RAD54L2: variants seen among roughly 807,000 people sequenced by gnomAD.
RAD54L2 encodes the protein helicase ARIP4.
RAD54L2 carries 27 observed loss-of-function variants against 138.4 expected under a neutral mutation model. That is an observed-to-expected ratio of 0.20 (90% CI 0.14 to 0.27). The LOEUF (loss-of-function observed/expected upper bound fraction) is 0.27, where lower values mean the gene tolerates loss of function less well. Ranked by LOEUF, RAD54L2 falls within the 10% of genes least tolerant of loss-of-function variation. The pLI, the probability that RAD54L2 is intolerant of heterozygous loss-of-function variation, is 1.00. For missense variants in RAD54L2, 1,396 were observed against 1,890.2 expected, an observed-to-expected ratio of 0.74 and a Z score of 4.85; for synonymous variants, 644 against 723.2, an observed-to-expected ratio of 0.89 and a Z score of 1.76.
intron 15 of RAD54L2, among the ~76,000 whole-genome samples, chr3:51,642,330 C>CT (rs367658494): frequency 0.029 from 3,830 of 130,596 alleles, 129 homozygotes; most frequent in African/African-American, 0.081. Context: ...AGGGGATGAA[C>CT]TTTTTTTTTT....
intron 3 of RAD54L2, among the ~76,000 whole-genome samples, chr3:51,592,661 G>A (rs1168597469): frequency 6.7e-6 from 1 of 148,740 alleles, no homozygotes; most frequent in Non-Finnish European, 1.5e-5. Flanking sequence ...TGCAACCTCC[G>A]CCTCCCAGGT....
chr3:51,657,994 G>T (rs1040645405), intron 21 of RAD54L2, among the ~76,000 whole-genome samples: 1 of 137,156 alleles, frequency 7.3e-6, no homozygotes, highest in African/African-American at 2.8e-5. Flanking sequence ...GCGTGATCTC[G>T]GCTCACTGCA....
Position 51,646,413 on chromosome 3 carries a change from G to A in RAD54L2, c.2958G>A (p.Ser986=), listed in dbSNP as rs373053017. 2.9e-5 allele frequency: 46 copies of A among 1,613,832 alleles called. No homozygotes were observed. The highest frequency in any genetic ancestry group is 1.3e-4 in the Admixed American group (8 of 60,004). Residue 986 remains serine (S), a synonymous_variant, in exon 19 of 23, where the codon TCG becomes TCA. Transcript: ENST00000684192. ...KRTSVPYTRP[S]YAQYYPASDQ... is the part of the protein sequence containing the mutation. ...CATCAGTCCCCTATACCCGCCCATCGTATGCGCAGTATTACCCTGCCAGCG... is the reference window on the plus strand; with the variant it reads ...CATCAGTCCCCTATACCCGCCCATCATATGCGCAGTATTACCCTGCCAGCG...
In RAD54L2 at chr3:51,605,604, C is replaced by T. The variant is rs577260541; in HGVS notation, c.139+15045C>T. 9.9e-5 allele frequency among the ~76,000 whole-genome samples: 15 copies of T among 151,962 alleles called. 1 individual carries two copies. The highest frequency in any genetic ancestry group is 6.2e-4 in the South Asian group (3 of 4,814). Reference sequence around the variant, plus strand: ...ACTAGCTGGGATTACAGGTGCCCACCACCACACCTGGCTAATTTTGTAGTT... The same window carrying T: ...ACTAGCTGGGATTACAGGTGCCCACTACCACACCTGGCTAATTTTGTAGTT... On this transcript the variant is annotated intron_variant, in intron 3 of 22. Coordinates refer to ENST00000684192, the MANE Select transcript of RAD54L2 (RefSeq NM_015106.4).
At chr3:51,550,552 C>T (rs972278868) in intron 2 of RAD54L2, among the ~76,000 whole-genome samples, 3 of 151,982 alleles carry the variant, frequency 2.0e-5, no homozygotes, top group East Asian at 1.9e-4. Context: ...TGCTTAAGTC[C>T]GGGATTTCGA....
intron 22 of RAD54L2, among the ~76,000 whole-genome samples, chr3:51,661,842 T>C (rs995675992): frequency 6.6e-6 from 1 of 152,226 alleles, no homozygotes. Flanking sequence ...GTCATGTTTT[T>C]CATCATGTCA....
At chr3:51,573,029 C>G (rs561069587) in intron 2 of RAD54L2, among the ~76,000 whole-genome samples, 1 of 152,134 alleles carries the variant, frequency 6.6e-6, no homozygotes, top group Non-Finnish European at 1.5e-5. Flanking sequence ...AAAACAGAAA[C>G]AGAAAATGTC....
chr3:51,540,225 T>G (rs1021630051), intron 1 of RAD54L2, among the ~76,000 whole-genome samples: 3 of 152,240 alleles, frequency 2.0e-5, no homozygotes, highest in African/African-American at 7.2e-5. Context: ...ATAAGAAAAC[T>G]CTAACATTTA....
intron 2 of RAD54L2, among the ~76,000 whole-genome samples, chr3:51,560,865 G>A (rs1037479095): frequency 3.3e-5 from 5 of 152,112 alleles, no homozygotes; most frequent in Admixed American, 6.6e-5. Context: ...AAAATTTGAA[G>A]GTAGGGAATA....
chr3:51,609,066 T>C (rs1381189819), intron 3 of RAD54L2, among the ~76,000 whole-genome samples: 1 of 152,134 alleles, frequency 6.6e-6, no homozygotes, highest in Non-Finnish European at 1.5e-5. Flanking sequence ...AATATTTGTA[T>C]TTTTAGTAGA....
intron 2 of RAD54L2, among the ~76,000 whole-genome samples, chr3:51,578,020 A>C (rs1434615854): frequency 6.6e-6 from 1 of 152,160 alleles, no homozygotes; most frequent in Non-Finnish European, 1.5e-5. Context: ...TCTCAAAATC[A>C]GGAAATTTAA....
intron 2 of RAD54L2, among the ~76,000 whole-genome samples, chr3:51,576,356 C>T (rs552091900): frequency 1.3e-5 from 2 of 152,264 alleles, no homozygotes; most frequent in East Asian, 3.9e-4. Flanking sequence ...ATGATGCTGG[C>T]CTCATAAAAT....
chr3:51,576,033 G>A (rs1242349152), intron 2 of RAD54L2, among the ~76,000 whole-genome samples: 1 of 152,098 alleles, frequency 6.6e-6, no homozygotes, highest in African/African-American at 2.4e-5. Context: ...TCAATACCTA[G>A]TTTATTGAGA....
At chr3:51,563,304 G>A (rs1282909760) in intron 2 of RAD54L2, among the ~76,000 whole-genome samples, 1 of 152,138 alleles carries the variant, frequency 6.6e-6, no homozygotes, top group Non-Finnish European at 1.5e-5. Context: ...TTAGATTTTG[G>A]CACCTGGCTG....
intron 3 of RAD54L2, among the ~76,000 whole-genome samples, chr3:51,608,586 A>G (rs1037225536): frequency 6.6e-6 from 1 of 152,216 alleles, no homozygotes; most frequent in Admixed American, 6.5e-5. Flanking sequence ...GCACCTCGGG[A>G]GGCTGAGGCT....
In RAD54L2 at chr3:51,656,121, C is replaced by T. The variant is rs1701593953; in HGVS notation, c.3177C>T (p.Asn1059=). ...ATCCATCCATGAACTTTCCCATCAA[C>T]TACTTGCAGCGTGCAGGAGTCCTTG... The part of the protein sequence containing the change: ...STNPSMNFPI[N]YLQRAGVLVQ... The change falls in exon 20 of 23, where the codon AAC becomes AAT. Residue 1059 remains asparagine (N), a synonymous_variant. Transcript: ENST00000684192. 4 of 1,613,898 alleles carry T rather than the reference C, an allele frequency of 2.5e-6. No homozygotes were observed. The Admixed American group carries it at 6.7e-5, about 27-fold the overall frequency.
intron 10 of RAD54L2, among the ~76,000 whole-genome samples, chr3:51,636,531 T>C (rs984905713): frequency 6.6e-6 from 1 of 152,242 alleles, no homozygotes; most frequent in African/African-American, 2.4e-5. Context: ...ATTGGTTTCA[T>C]CCAGGTGCAT....
In RAD54L2 at chr3:51,627,484, G is replaced by A. The variant is rs948149751; in HGVS notation, c.140-69G>A. On this transcript the variant is annotated intron_variant, in intron 3 of 22. Transcript: ENST00000684192. ...TTGCTGAGTTGAGATTTGAACCCAG[G>A]TGTGTCTGTCATCCAGACTCATTCC... 3 of 1,425,518 alleles carry A rather than the reference G, an allele frequency of 2.1e-6. No homozygotes were observed. The East Asian group carries it at 7.5e-5, about 35-fold the overall frequency. 88.3% of individuals were successfully genotyped at this position (1,425,518 alleles called of 1,614,324 possible).
chr3:51,596,039 C>T (rs1699953820), intron 3 of RAD54L2, among the ~76,000 whole-genome samples: 1 of 148,660 alleles, frequency 6.7e-6, no homozygotes, highest in South Asian at 2.2e-4. Context: ...GGTGGTCCTC[C>T]CACCTTAGCC....
Sources: allele counts gnomAD v4.1 joint callset (sites outside exome capture counted in the v4.1 genomes callset), GRCh38; gene constraint gnomAD v4.1.1; transcripts MANE v1.5; gene names NCBI Gene and HGNC (gene_info 2026-07-23, HGNC 2026-07-21).